THADA: variants seen among roughly 807,000 people sequenced by gnomAD.
The protein encoded by THADA is THADA armadillo repeat containing.
In THADA, 213 loss-of-function variants were observed where a neutral mutation model predicts 219.8. The observed-to-expected ratio is 0.97, with a 90% CI of 0.87 to 1.09. The LOEUF (loss-of-function observed/expected upper bound fraction) is 1.09. Among genes scored for constraint, THADA ranks in the 50% least tolerant of loss-of-function variants. The pLI, the probability that THADA is intolerant of heterozygous loss-of-function variation, is 0.00. For synonymous variants in THADA, 1,018 were observed against 828.9 expected (o/e 1.23, Z -3.92); for missense variants, 2,956 against 2,311.3 (o/e 1.28, Z -5.72).
intron 31 of THADA, among the ~76,000 whole-genome samples, chr2:43,295,581 G>T (rs1401768766): frequency 2.0e-5 from 3 of 152,168 alleles, no homozygotes; most frequent in Non-Finnish European, 4.4e-5. Flanking sequence ...TCCTGGATTG[G>T]CTTACCAGAC....
In THADA at chr2:43,527,956, GTGT is replaced by G; in HGVS notation, c.3294_3296del (p.Gln1098del). 6.2e-7 allele frequency: 1 copy of G among 1,613,272 alleles called. No homozygotes were observed. The highest frequency in any genetic ancestry group is 8.5e-7 in the Non-Finnish European group (1 of 1,179,614). On this transcript the variant is annotated inframe_deletion, in exon 22 of 38. Transcript: ENST00000405975. ...CTCCTCTGTGCCTGGACTGCAAAAG[GTGT>G]TGTTTAAAGTAATCTCCTATTTCTT...
chr2:43,533,963 C>T (rs557453662), intron 21 of THADA, among the ~76,000 whole-genome samples: 27 of 152,042 alleles, frequency 1.8e-4, no homozygotes, highest in Non-Finnish European at 3.2e-4. Flanking sequence ...ATATAATCTA[C>T]AAATAATCCA....
At chr2:43,567,428 G>A (rs1392819321) in intron 14 of THADA, among the ~76,000 whole-genome samples, 5 of 151,986 alleles carry the variant, frequency 3.3e-5, no homozygotes, top group Non-Finnish European at 5.9e-5. Flanking sequence ...TCAGAAGTTC[G>A]AGACCAGCAT....
At chr2:43,592,601 G>A (rs1444765310) in intron 1 of THADA, among the ~76,000 whole-genome samples, 185 bp from the exon 2 acceptor site, 2 of 152,108 alleles carry the variant, frequency 1.3e-5, no homozygotes, top group African/African-American at 4.8e-5. Flanking sequence ...ACCAAAATAT[G>A]TCTCCAAACA....
At chr2:43,434,417 G>A (rs774190225) in intron 26 of THADA, among the ~76,000 whole-genome samples, 6 of 152,102 alleles carry the variant, frequency 3.9e-5, no homozygotes, top group Non-Finnish European at 8.8e-5. Context: ...TCCTGCCTTC[G>A]TGCCCAAATG....
At chr2:43,264,033 A>C (rs1253023888) in intron 36 of THADA, among the ~76,000 whole-genome samples, 1 of 152,080 alleles carries the variant, frequency 6.6e-6, no homozygotes, top group Non-Finnish European at 1.5e-5. Context: ...ATTTTCCTCC[A>C]TGGGCTGAGA....
intron 22 of THADA, among the ~76,000 whole-genome samples, chr2:43,521,058 A>G (rs1415508546): frequency 7.6e-6 from 1 of 132,264 alleles, no homozygotes; most frequent in Non-Finnish European, 1.6e-5. Context: ...AAGGAAGAGA[A>G]GGAAGGGAAG....
Position 43,307,811 on chromosome 2 carries a change from C to T in THADA, c.4438+12635G>A, listed in dbSNP as rs371338164. 3.1e-4 allele frequency among the ~76,000 whole-genome samples: 47 copies of T among 151,936 alleles called. 1 individual carries two copies. The highest frequency in any genetic ancestry group is 9.7e-4 in the African/African-American group (40 of 41,400). ...GGCATCTAATAAAAAATTATAAGCA[C>T]GCAAAGAAGTGGGAAAATATAACCC... On this transcript the variant is annotated intron_variant, in intron 31 of 37. Transcript: ENST00000405975.
intron 30 of THADA, among the ~76,000 whole-genome samples, chr2:43,331,209 T>C (rs752906225): frequency 6.6e-6 from 1 of 152,218 alleles, no homozygotes; most frequent in Non-Finnish European, 1.5e-5. Context: ...TTTACTGTTA[T>C]AAATTCTGTG....
chr2:43,285,432 A>G (rs1230615528), intron 35 of THADA, among the ~76,000 whole-genome samples: 1 of 152,184 alleles, frequency 6.6e-6, no homozygotes, highest in Non-Finnish European at 1.5e-5. Context: ...CATGTGAAGA[A>G]GGTGTTTGCT....
At chr2:43,544,451 T>C (rs1336813144) in intron 20 of THADA, among the ~76,000 whole-genome samples, 3 of 152,216 alleles carry the variant, frequency 2.0e-5, no homozygotes, top group African/African-American at 7.2e-5. Context: ...ATTGAATCTA[T>C]AAATTACCTT....
chr2:43,517,812 G>C (rs1691917487), intron 22 of THADA, among the ~76,000 whole-genome samples: 1 of 152,100 alleles, frequency 6.6e-6, no homozygotes, highest in African/African-American at 2.4e-5. Flanking sequence ...AAAACACAAA[G>C]ATTTCCCAGG....
At chr2:43,564,936 T>C (rs1698491549) in intron 15 of THADA, 1 of 152,204 alleles carries the variant, frequency 6.6e-6, no homozygotes. Flanking sequence ...ACGCAATGCG[T>C]GATCTAGGAT....
intron 29 of THADA, among the ~76,000 whole-genome samples, chr2:43,364,043 G>A (rs571493204): frequency 6.6e-6 from 1 of 152,176 alleles, no homozygotes; most frequent in African/African-American, 2.4e-5. Context: ...GCAACATGGT[G>A]AAACCCTGTT....
intron 29 of THADA, among the ~76,000 whole-genome samples, chr2:43,382,305 A>G (rs141505525): frequency 2.0e-5 from 3 of 152,226 alleles, no homozygotes; most frequent in Non-Finnish European, 4.4e-5. Context: ...AGATAGTAAC[A>G]ATAGGAGAAA....
chr2:43,297,456 G>T (rs1376767938), intron 31 of THADA, among the ~76,000 whole-genome samples: 1 of 101,264 alleles, frequency 9.9e-6, no homozygotes, highest in African/African-American at 6.0e-5. Flanking sequence ...GTGGGGGGGG[G>T]TCAGCCCCCC....
intron 29 of THADA, among the ~76,000 whole-genome samples, chr2:43,389,979 T>C (rs1363108267): frequency 6.6e-6 from 1 of 152,252 alleles, no homozygotes; most frequent in Non-Finnish European, 1.5e-5. Flanking sequence ...AAATTTTCTT[T>C]GTATCCTCCA....
At chr2:43,335,221 G>A (rs894985625) in intron 30 of THADA, among the ~76,000 whole-genome samples, 2 of 152,136 alleles carry the variant, frequency 1.3e-5, no homozygotes, top group Admixed American at 6.5e-5. Flanking sequence ...CACTGTTCTA[G>A]AGAAGGCTTA....
intron 27 of THADA, 47 bp from the exon 28 acceptor site, chr2:43,428,278 G>A (rs1232069047): frequency 7.9e-6 from 12 of 1,522,566 alleles, no homozygotes; most frequent in Non-Finnish European, 9.8e-6. Flanking sequence ...TTTAGGTAGT[G>A]AAGCACTCCT....
Sources: gnomAD v4.1 joint callset for allele counts (sites outside exome capture counted in the v4.1 genomes callset) on GRCh38, gnomAD v4.1.1 for gene constraint, MANE v1.5 for transcripts, NCBI Gene and HGNC (gene_info 2026-07-23, HGNC 2026-07-21) for gene names.